DCLRE1C: variants seen among roughly 807,000 people sequenced by gnomAD.
DCLRE1C encodes the protein protein artemis.
In DCLRE1C, 47 loss-of-function variants were observed where a neutral mutation model predicts 61.4. The ratio of observed to expected loss-of-function variants is 0.77; its 90% confidence interval spans 0.61 to 0.98. The LOEUF is 0.98. DCLRE1C is among the 50% of genes least tolerant of loss of function. The probability of loss-of-function intolerance (pLI) is 0.00; values close to 1 mark genes in which losing one functional copy is unlikely to be tolerated. For missense variants in DCLRE1C, 858 were observed against 816.0 expected, an observed-to-expected ratio of 1.05 and a Z score of -0.63; for synonymous variants, 337 against 287.6, an observed-to-expected ratio of 1.17 and a Z score of -1.74.
chr10:14,901,034 C>CTT, downstream of DCLRE1C: 20 of 1,460,462 alleles, frequency 1.4e-5, no homozygotes, highest in Non-Finnish European at 1.8e-5. Flanking sequence ...TCCAGTGGAA[C>CTT]TTAAACTAAA....
intron 3 of DCLRE1C, among the ~76,000 whole-genome samples, chr10:14,941,282 CTTTATTTA>C (rs1039510058): frequency 2.6e-5 from 4 of 152,116 alleles, no homozygotes; most frequent in Non-Finnish European, 5.9e-5. Flanking sequence ...CCATCAGCTC[CTTTATTTA>C]TTTATTTATT....
chr10:14,946,724 C>T (rs1285444137), intron 2 of DCLRE1C, among the ~76,000 whole-genome samples: 1 of 151,886 alleles, frequency 6.6e-6, no homozygotes, highest in Non-Finnish European at 1.5e-5. Context: ...TGCAAGCTAT[C>T]CTCCCACATC....
At chr10:14,948,549 A>T (rs953544282) in intron 2 of DCLRE1C, among the ~76,000 whole-genome samples, 6 of 152,192 alleles carry the variant, frequency 3.9e-5, no homozygotes, top group Non-Finnish European at 7.3e-5. Context: ...TCACACAAAT[A>T]CAAAGTTAAG....
exon 14 of DCLRE1C, chr10:14,898,039 A>G (rs2131705847): frequency 6.6e-6 from 1 of 151,688 alleles, no homozygotes; most frequent in Middle Eastern, 3.4e-3. Context: ...ACCATTCTCA[A>G]AACTACCATA....
chr10:14,918,609 A>G (rs1836587628), intron 13 of DCLRE1C, among the ~76,000 whole-genome samples: 1 of 151,260 alleles, frequency 6.6e-6, no homozygotes. Context: ...TATCAATTAT[A>G]CCTCAGGAAA....
chr10:14,939,593 A>C (rs1198556382), intron 4 of DCLRE1C, among the ~76,000 whole-genome samples: 1 of 152,154 alleles, frequency 6.6e-6, no homozygotes, highest in South Asian at 2.1e-4. Context: ...GTCCAGCCCA[A>C]ATGGACTTAC....
intron 13 of DCLRE1C, among the ~76,000 whole-genome samples, chr10:14,912,806 C>T (rs542190684): frequency 2.1e-4 from 32 of 152,344 alleles, no homozygotes; most frequent in African/African-American, 7.7e-4. Context: ...CTCCGCTGCC[C>T]TAATAGCTGG....
At chr10:14,911,446 G>C (rs1275970893) in intron 13 of DCLRE1C, 1 of 152,064 alleles carries the variant, frequency 6.6e-6, no homozygotes, top group African/African-American at 2.4e-5. Context: ...GACCTAAAAA[G>C]GTAAAATTCA....
At chr10:14,952,236 C>T (rs1184860948) in intron 1 of DCLRE1C, among the ~76,000 whole-genome samples, 1 of 152,176 alleles carries the variant, frequency 6.6e-6, no homozygotes, top group Non-Finnish European at 1.5e-5. Flanking sequence ...TGCGGCTCTA[C>T]ACAAAAAGTA....
In DCLRE1C at chr10:14,929,385, C is replaced by T. The variant is rs146417429; in HGVS notation, c.781-1233G>A. On this transcript the variant is annotated intron_variant, in intron 9 of 13. Coordinates refer to ENST00000378278, the MANE Select transcript of DCLRE1C (RefSeq NM_001033855.3). ...CGCCACTGCACTCCAGCCTGGGCAA[C>T]GGAGCGAAACTCTATCTCAAAAAAC... is the stretch of plus-strand genomic sequence containing the variant. 9.5e-3 allele frequency among the ~76,000 whole-genome samples: 1,409 copies of T among 149,010 alleles called. 23 individuals are homozygous for T. The highest frequency in any genetic ancestry group is 0.032 in the African/African-American group (1,291 of 40,256).
chr10:14,915,228 A>C (rs1451469868), intron 13 of DCLRE1C, among the ~76,000 whole-genome samples: 1 of 152,166 alleles, frequency 6.6e-6, no homozygotes, highest in Non-Finnish European at 1.5e-5. Flanking sequence ...CATATTAAGA[A>C]ACTTAAAAAT....
intron 1 of DCLRE1C, 60 bp from the exon 2 acceptor site, chr10:14,949,147 G>C (rs902034557): frequency 1.8e-5 from 21 of 1,192,852 alleles, no homozygotes; most frequent in Non-Finnish European, 2.4e-5. Flanking sequence ...CTTAGCCCAA[G>C]GGAAACAGTC....
chr10:14,944,856 G>T (rs1393153466), intron 3 of DCLRE1C, among the ~76,000 whole-genome samples: 3 of 151,582 alleles, frequency 2.0e-5, no homozygotes, highest in Non-Finnish European at 4.4e-5. Context: ...TGTATTTTTA[G>T]TAGAGACAGG....
In DCLRE1C at chr10:14,932,908, A is replaced by G. The variant is rs778439805; in HGVS notation, c.726T>C (p.Leu242=). 2.7e-5 allele frequency: 43 copies of G among 1,614,180 alleles called. No individual in the cohort carries two copies. The African/African-American group carries it at 5.2e-4, about 20-fold the overall frequency. Residue 242 remains leucine (L), a synonymous_variant, in exon 9 of 14, where the codon CTT becomes CTC. Coordinates refer to ENST00000378278, the MANE Select transcript of DCLRE1C (RefSeq NM_001033855.3). The stretch of plus-strand genomic sequence containing the variant: ...TGTTGCGGTCTGTTGTGAGATGATG[A>G]AGGATCTCAGGCATGTTCCTAAACA... ...LDMFRNMPEI[L]HHLTTDRNTQ... is the part of the protein sequence containing the mutation.
intron 1 of DCLRE1C, among the ~76,000 whole-genome samples, chr10:14,951,852 T>C (rs987093272): frequency 6.6e-6 from 1 of 152,076 alleles, no homozygotes; most frequent in African/African-American, 2.4e-5. Context: ...GCTTTGGGGG[T>C]TAGGGCTTCA....
chr10:14,939,193 T>C (rs1401958846), intron 4 of DCLRE1C, among the ~76,000 whole-genome samples: 1 of 151,822 alleles, frequency 6.6e-6, no homozygotes, highest in Admixed American at 6.6e-5. Flanking sequence ...CCCCAGAACT[T>C]TGGGAGGCCA....
chr10:14,903,923 T>C (rs1240132209), downstream of DCLRE1C: 4 of 152,214 alleles, frequency 2.6e-5, no homozygotes, highest in African/African-American at 7.2e-5. Flanking sequence ...TTATTCATTA[T>C]ATTGCTATGA....
chr10:14,905,162 A>G lies in DCLRE1C; in HGVS notation c.*3246T>C, dbSNP rs945605540. On this transcript the variant is annotated 3_prime_UTR_variant, in exon 14 of 14. Transcript: ENST00000378278. ...AAGATTAACCGAAGGTTTATATTCA[A>G]TTCCTTTAAATGTTACTTTCCTTTT... Among the ~76,000 whole-genome samples, 5 of 152,260 alleles carry G rather than the reference A, an allele frequency of 3.3e-5. No individual in the cohort carries two copies. The highest frequency in any genetic ancestry group is 2.1e-4 in the South Asian group (1 of 4,830).
rs1394397708 is a variant in DCLRE1C at position 14,905,613 on chromosome 10, T to G, written c.*2795A>C. ...AAACTAGTTTATACTATTCAAACAT[T>G]TAAGTCCTGGAACTCTTCTCCAAGA... is the stretch of plus-strand genomic sequence containing the variant. On this transcript the variant is annotated 3_prime_UTR_variant, in exon 14 of 14. Coordinates refer to ENST00000378278, the MANE Select transcript of DCLRE1C (RefSeq NM_001033855.3). Among the ~76,000 whole-genome samples the G allele has an allele frequency of 4.6e-5, 7 of 152,344 alleles. No individual in the cohort carries two copies. Among genetic ancestry groups the G allele is most frequent in the Admixed American group, 2.0e-4 (3 of 15,306 alleles).
Sources: gnomAD v4.1 joint callset for allele counts (sites outside exome capture counted in the v4.1 genomes callset) on GRCh38, gnomAD v4.1.1 for gene constraint, MANE v1.5 for transcripts, NCBI Gene and HGNC (gene_info 2026-07-23, HGNC 2026-07-21) for gene names.